Variants in FHIP1A observed in about 807,000 individuals in gnomAD.
The protein encoded by FHIP1A is FHF complex subunit HOOK-interacting protein 1A.
A neutral mutation model predicts 88.6 loss-of-function variants in FHIP1A; 61 were observed. The ratio of observed to expected loss-of-function variants is 0.69; its 90% CI spans 0.56 to 0.85. The LOEUF (loss-of-function observed/expected upper bound fraction) is 0.85, where lower values mean the gene tolerates loss of function less well. FHIP1A is among the 40% of genes least tolerant of loss of function. FHIP1A has a pLI of 0.00. For missense variants in FHIP1A, 1,154 were observed against 1,273.5 expected (o/e 0.91, Z 1.43); for synonymous variants, 478 against 496.0 (o/e 0.96, Z 0.48).
intron 3 of FHIP1A, among the ~76,000 whole-genome samples, chr4:151,508,549 G>A (rs1293828771): frequency 2.0e-5 from 3 of 152,104 alleles, no homozygotes; most frequent in African/African-American, 4.8e-5. Context: ...CCTTCTTCTC[G>A]CCCTGTAGGT....
At position 151,506,710 on chromosome 4, in the gene FHIP1A, T is replaced by C. The variant is rs528561007; in HGVS notation, c.-123+24062T>C. On this transcript the variant is annotated intron_variant, in intron 3 of 13. Transcript: ENST00000435205. ...CAAGCCCTTCATCAAGGATCCACCC[T>C]CATGATCCAAGCATCCCCCACCAGG... Among the ~76,000 whole-genome samples the C allele has an allele frequency of 9.2e-5, 14 of 152,242 alleles. No individual in the cohort carries two copies. In the East Asian group the frequency reaches 2.7e-3, roughly 29 times the overall value.
In FHIP1A at chr4:151,440,118, G is replaced by A. The variant is rs1337912458; in HGVS notation, c.-355-14583G>A. Among the ~76,000 whole-genome samples, 3 of 152,164 alleles carry A rather than the reference G, an allele frequency of 2.0e-5. No homozygotes were observed. In the East Asian group the frequency reaches 5.8e-4, roughly 29 times the overall value. On this transcript the variant is annotated intron_variant, in intron 1 of 13. Coordinates refer to ENST00000435205, the MANE Select transcript of FHIP1A (RefSeq NM_001109977.3). ...CACAGGGCAGCAGGAGAGAGAATGAGTGCCAGCAGGGGAAGTGTCAGACAC... is the reference window on the plus strand; with the variant it reads ...CACAGGGCAGCAGGAGAGAGAATGAATGCCAGCAGGGGAAGTGTCAGACAC...
rs142269024 is a variant in FHIP1A at position 151,558,524 on chromosome 4, T to A, written c.-122-7614T>A. 6.3e-3 allele frequency among the ~76,000 whole-genome samples: 923 copies of A among 147,538 alleles called. 34 individuals carry two copies. The highest frequency in any genetic ancestry group is 0.053 in the Admixed American group (765 of 14,562). ...ACTCCAGCCTGATAACAGAGCAACATCCTGTCTCAAACAAAACAAAACAAA... is the reference window on the plus strand; with the variant it reads ...ACTCCAGCCTGATAACAGAGCAACAACCTGTCTCAAACAAAACAAAACAAA... On this transcript the variant is annotated intron_variant, in intron 3 of 13. Transcript: ENST00000435205.
At chr4:151,480,992 T>C (rs1436575827) in intron 2 of FHIP1A, among the ~76,000 whole-genome samples, 2 of 152,106 alleles carry the variant, frequency 1.3e-5, no homozygotes, top group African/African-American at 4.8e-5. Flanking sequence ...AGAAAAATTA[T>C]TATGTGAAAG....
intron 2 of FHIP1A, among the ~76,000 whole-genome samples, chr4:151,473,194 G>T (rs1162074026): frequency 6.6e-6 from 1 of 152,084 alleles, no homozygotes; most frequent in African/African-American, 2.4e-5. Flanking sequence ...TGTTCATAAA[G>T]ATCTCTAGAA....
intron 3 of FHIP1A, among the ~76,000 whole-genome samples, chr4:151,492,461 G>A (rs1730317993): frequency 1.3e-5 from 2 of 151,908 alleles, no homozygotes; most frequent in Admixed American, 1.3e-4. Context: ...GTGTTGTGGT[G>A]TGCACCTGTA....
chr4:151,564,173 T>A (rs147855737), intron 3 of FHIP1A, among the ~76,000 whole-genome samples: 3 of 152,342 alleles, frequency 2.0e-5, no homozygotes, highest in Non-Finnish European at 2.9e-5. Flanking sequence ...TAGAAGCAAT[T>A]GGCATGATGT....
rs530428606 is a variant in FHIP1A at position 151,667,088 on chromosome 4, G to C, written c.*4334G>C. ...TATTGCAGGTCAGCTATTATTGCAC[G>C]TGCTACTTCAAGTCACTGGCTCAGG... On this transcript the variant is annotated 3_prime_UTR_variant, in exon 14 of 14. Coordinates refer to ENST00000435205, the MANE Select transcript of FHIP1A (RefSeq NM_001109977.3). 59 of 152,312 alleles carry C rather than the reference G, an allele frequency of 3.9e-4. No individual in the cohort carries two copies. Among genetic ancestry groups the C allele is most frequent in the African/African-American group, 1.4e-3 (59 of 41,562 alleles). The allele number at this position is 152,312 out of a possible 1,614,324, so 9.4% of individuals were successfully genotyped here.
intron 3 of FHIP1A, among the ~76,000 whole-genome samples, chr4:151,506,389 A>G (rs146674480): frequency 1.3e-5 from 2 of 152,278 alleles, no homozygotes; most frequent in African/African-American, 2.4e-5. Context: ...GTCTTAGTCT[A>G]TTTATGTTGC....
intron 3 of FHIP1A, among the ~76,000 whole-genome samples, chr4:151,495,917 C>T (rs1730445683): frequency 6.6e-6 from 1 of 152,094 alleles, no homozygotes; most frequent in African/African-American, 2.4e-5. Context: ...GCCACTGTGC[C>T]TGGCCTATAT....
chr4:151,447,642 C>T (rs1004494292), intron 1 of FHIP1A, among the ~76,000 whole-genome samples: 2 of 152,056 alleles, frequency 1.3e-5, no homozygotes, highest in Non-Finnish European at 2.9e-5. Flanking sequence ...ATGTTGAAGG[C>T]CTAACCCCCA....
intron 7 of FHIP1A, among the ~76,000 whole-genome samples, chr4:151,625,069 C>T (rs960883067): frequency 2.0e-5 from 3 of 152,160 alleles, no homozygotes; most frequent in African/African-American, 7.2e-5. Context: ...CCCACCTGTC[C>T]GTTGGCTTGG....
intron 9 of FHIP1A, among the ~76,000 whole-genome samples, chr4:151,645,548 C>T (rs1736759305): frequency 6.6e-6 from 1 of 151,132 alleles, no homozygotes; most frequent in Non-Finnish European, 1.5e-5. Flanking sequence ...TTTTTCTCTG[C>T]ACGGCTTCTT....
intron 3 of FHIP1A, among the ~76,000 whole-genome samples, chr4:151,519,496 T>G (rs1731378386): frequency 6.6e-6 from 1 of 152,180 alleles, no homozygotes; most frequent in African/African-American, 2.4e-5. Context: ...CTGGGGGTAT[T>G]TTCATCTTTT....
intron 3 of FHIP1A, among the ~76,000 whole-genome samples, chr4:151,495,668 G>T (rs553842478): frequency 7.2e-6 from 1 of 139,542 alleles, no homozygotes; most frequent in Non-Finnish European, 1.5e-5. Context: ...TTGTTACCCA[G>T]GCTGGAGTGC....
intron 1 of FHIP1A, among the ~76,000 whole-genome samples, chr4:151,445,064 C>G (rs1264073864): frequency 6.6e-6 from 1 of 152,148 alleles, no homozygotes; most frequent in Non-Finnish European, 1.5e-5. Flanking sequence ...CCCAGGTTTC[C>G]TACAACTTCT....
At chr4:151,498,100 T>C (rs868258480) in intron 3 of FHIP1A, among the ~76,000 whole-genome samples, 4 of 152,256 alleles carry the variant, frequency 2.6e-5, no homozygotes, top group Non-Finnish European at 5.9e-5. Flanking sequence ...CTGTGTTTTT[T>C]GTATTCAGAG....
chr4:151,641,476 C>T (rs865960691), intron 9 of FHIP1A, among the ~76,000 whole-genome samples: 12 of 152,352 alleles, frequency 7.9e-5, no homozygotes, highest in Middle Eastern at 3.4e-3. Flanking sequence ...TGGCCCAGGA[C>T]AGCTTTGAAT....
Position 151,650,593 on chromosome 4 carries a change from G to T in FHIP1A, c.2551+1G>T. On this transcript the variant is annotated splice_donor_variant, in intron 11 of 13. Coordinates refer to ENST00000435205, the MANE Select transcript of FHIP1A (RefSeq NM_001109977.3). LOFTEE classifies it high-confidence loss of function. ...AGGACTCAAAGCACCCCATTCACAG[G>T]TGACCATCTTAAATTGCTTTGTGGT... The T allele has an allele frequency of 6.5e-7, 1 of 1,543,298 alleles. No homozygotes were observed. The highest frequency in any genetic ancestry group is 8.7e-7 in the Non-Finnish European group (1 of 1,143,188).
Sources: allele counts gnomAD v4.1 joint callset (sites outside exome capture counted in the v4.1 genomes callset), GRCh38; gene constraint gnomAD v4.1.1; transcripts MANE v1.5; gene names NCBI Gene and HGNC (gene_info 2026-07-23, HGNC 2026-07-21).